The following SMARCD1 variants were observed in gnomAD, a reference collection of about 807,000 sequenced individuals.
SMARCD1 encodes SWI/SNF related BAF chromatin remodeling complex subunit D1.
Under a neutral mutation model 70.8 loss-of-function variants are expected in SMARCD1, and 16 were observed. The observed-to-expected ratio is 0.23, with a 90% CI of 0.15 to 0.34. The LOEUF (loss-of-function observed/expected upper bound fraction) is 0.34. SMARCD1 is among the 10% of genes least tolerant of loss of function. The pLI is 1.00. For synonymous variants in SMARCD1, 249 were observed against 246.0 expected, an observed-to-expected ratio of 1.01 and a Z score of -0.11; for missense variants, 409 against 655.5, an observed-to-expected ratio of 0.62 and a Z score of 4.11.
chr12:50,088,916 A>G (rs2137879686), intron 6 of SMARCD1: 1 of 225,124 alleles, frequency 4.4e-6, no homozygotes, highest in Non-Finnish European at 8.6e-6. Context: ...GGCCTCTTGT[A>G]TGTGCCAGGC....
intron 1 of SMARCD1, 186 bp from the exon 2 acceptor site, chr12:50,085,975 C>T (rs1295267418): frequency 4.7e-6 from 2 of 425,176 alleles, no homozygotes; most frequent in African/African-American, 2.0e-5. Context: ...ATCTGGCTCT[C>T]GCTTAGCTTT....
rs376180827 is a variant in SMARCD1, at chr12:50,096,853, C to T, written c.1273C>T (p.His425Tyr). 6.2e-7 allele frequency: 1 copy of T among 1,607,110 alleles called. No homozygotes were observed. The highest frequency in any genetic ancestry group is 1.3e-5 in the African/African-American group (1 of 74,764). The change falls in exon 11 of 13, where the codon CAT becomes TAT. Residue 425 changes from histidine to tyrosine, a missense_variant. His to Tyr is a moderately conservative substitution (Grantham distance 83). Coordinates refer to ENST00000394963, the MANE Select transcript of SMARCD1 (RefSeq NM_003076.5). ...QEIATLDNKIHETIETINQLK... is the reference protein window; with the variant it reads ...QEIATLDNKIYETIETINQLK... ...TGAGCTTCGTTCTTCCTTTCAGATC[C>T]ATGAGACAATAGAAACCATCAACCA...
intron 9 of SMARCD1, among the ~76,000 whole-genome samples, chr12:50,091,677 A>T (rs1035413685): frequency 6.6e-6 from 1 of 152,100 alleles, no homozygotes; most frequent in South Asian, 2.1e-4. Context: ...CCTGAGTTCA[A>T]GCAATTCTCC....
chr12:50,090,718 A>G, intron 9 of SMARCD1, 128 bp downstream of exon 9: 1 of 586,472 alleles, frequency 1.7e-6, no homozygotes, highest in Non-Finnish European at 3.0e-6. Context: ...TGTTACTTAC[A>G]ATTAAATTAC....
intron 11 of SMARCD1, among the ~76,000 whole-genome samples, chr12:50,097,248 C>T (rs1264083004): frequency 1.3e-5 from 2 of 152,212 alleles, no homozygotes; most frequent in African/African-American, 4.8e-5. Flanking sequence ...TACATTCTGT[C>T]TGAAGAAACT....
intron 12 of SMARCD1, 52 bp downstream of exon 12, chr12:50,098,867 C>T (rs761235101): frequency 1.2e-6 from 2 of 1,603,028 alleles, no homozygotes; most frequent in South Asian, 2.2e-5. Flanking sequence ...GGGGTTTTCA[C>T]CCCTGATGGG....
At chr12:50,092,695 C>T (rs904294735) in intron 9 of SMARCD1, among the ~76,000 whole-genome samples, 3 of 152,036 alleles carry the variant, frequency 2.0e-5, no homozygotes, top group Admixed American at 2.0e-4. Flanking sequence ...TAAAGTTAGA[C>T]CACTTTTAAT....
intron 6 of SMARCD1, 160 bp downstream of exon 6, chr12:50,088,797 C>A: frequency 2.4e-6 from 1 of 424,446 alleles, no homozygotes. Flanking sequence ...CTCTAGGTGG[C>A]ACTAGCATGT....
intron 9 of SMARCD1, among the ~76,000 whole-genome samples, chr12:50,091,610 C>G (rs1950844327): frequency 6.6e-6 from 1 of 151,330 alleles, no homozygotes; most frequent in Admixed American, 6.6e-5. Context: ...TAGTTTTGCT[C>G]TTGTTGCCCA....
intron 5 of SMARCD1, among the ~76,000 whole-genome samples, 192 bp downstream of exon 5, chr12:50,087,677 TATC>T (rs895665727): frequency 1.3e-5 from 2 of 152,208 alleles, no homozygotes; most frequent in Non-Finnish European, 2.9e-5. Flanking sequence ...CCCTCACTGG[TATC>T]ATATGGAGAA....
At chr12:50,093,102 G>A (rs1248338880) in intron 9 of SMARCD1, among the ~76,000 whole-genome samples, 2 of 151,846 alleles carry the variant, frequency 1.3e-5, no homozygotes, top group African/African-American at 4.8e-5. Flanking sequence ...CTTGAACCGG[G>A]GAGGCAGAGG....
intron 11 of SMARCD1, among the ~76,000 whole-genome samples, chr12:50,097,673 C>T (rs1347000951): frequency 1.3e-5 from 2 of 151,884 alleles, no homozygotes; most frequent in African/African-American, 2.4e-5. Context: ...GGGCAGATCA[C>T]CTGAGGTCAG....
In SMARCD1 at chr12:50,099,501, C is replaced by T. The variant is rs1319812168; in HGVS notation, c.*501C>T. 2.5e-6 allele frequency: 1 copy of T among 403,320 alleles called. No individual in the cohort carries two copies. The highest frequency in any genetic ancestry group is 4.4e-6 in the Non-Finnish European group (1 of 228,844). The allele number at this position is 403,320 out of a possible 1,614,324, so 25.0% of individuals were successfully genotyped here. ...TCCCTCCACAGGTTTGGAACAAACT[C>T]TCCCTTCACTTGTTGCCCTGTAGCA... is the stretch of plus-strand genomic sequence containing the variant. On this transcript the variant is annotated 3_prime_UTR_variant, in exon 13 of 13. Coordinates refer to ENST00000394963, the MANE Select transcript of SMARCD1 (RefSeq NM_003076.5).
intron 9 of SMARCD1, among the ~76,000 whole-genome samples, chr12:50,091,254 T>C (rs562828946): frequency 2.0e-5 from 3 of 152,208 alleles, no homozygotes; most frequent in Admixed American, 6.5e-5. Context: ...AGTAATGTAA[T>C]GTTGGTAGCT....
intron 10 of SMARCD1, chr12:50,096,573 A>G (rs1291231597): frequency 3.1e-6 from 1 of 320,072 alleles, no homozygotes; most frequent in Non-Finnish European, 5.9e-6. Flanking sequence ...GCTGTGGAGT[A>G]AGTATTCATC....
chr12:50,087,916 T>C (rs541708393), intron 5 of SMARCD1, among the ~76,000 whole-genome samples: 1 of 152,156 alleles, frequency 6.6e-6, no homozygotes, highest in African/African-American at 2.4e-5. Flanking sequence ...ACAGGCTCTT[T>C]GTTGCTTCCT....
intron 7 of SMARCD1, 64 bp from the exon 8 acceptor site, chr12:50,090,177 G>T: frequency 6.7e-7 from 1 of 1,482,924 alleles, no homozygotes; most frequent in South Asian, 1.3e-5. Flanking sequence ...TGAATAGCTT[G>T]AATGTATTGC....
intron 5 of SMARCD1, 137 bp from the exon 6 acceptor site, chr12:50,088,384 T>G (rs143725185): frequency 1.4e-6 from 1 of 708,312 alleles, no homozygotes; most frequent in East Asian, 2.5e-5. Flanking sequence ...CTACTTTGCC[T>G]ATCTCTCTTA....
chr12:50,089,806 C>A, intron 6 of SMARCD1, 78 bp from the exon 7 acceptor site: 1 of 998,812 alleles, frequency 1.0e-6, no homozygotes, highest in Non-Finnish European at 1.6e-6. Context: ...GTTGAATATT[C>A]AGTCATTACA....
Sources: allele counts gnomAD v4.1 joint callset (sites outside exome capture counted in the v4.1 genomes callset), GRCh38; gene constraint gnomAD v4.1.1; transcripts MANE v1.5; gene names NCBI Gene and HGNC (gene_info 2026-07-23, HGNC 2026-07-21).